Variants in AKAP13 observed in about 807,000 individuals in gnomAD.
The protein encoded by AKAP13 is A-kinase anchor protein 13.
A neutral mutation model predicts 264.5 loss-of-function variants in AKAP13; 80 were observed. The ratio of observed to expected loss-of-function variants is 0.30; its 90% CI spans 0.25 to 0.36. The LOEUF (loss-of-function observed/expected upper bound fraction) is 0.36. AKAP13 is among the 10% of genes least tolerant of loss of function. The pLI, the probability that AKAP13 is intolerant of heterozygous loss-of-function variation, is 1.00. For synonymous variants in AKAP13, 1,380 were observed against 1,250.2 expected, an observed-to-expected ratio of 1.10 and a Z score of -2.19; for missense variants, 3,712 against 3,435.2, an observed-to-expected ratio of 1.08 and a Z score of -2.01.
At chr15:85,659,988 G>T (rs930403796) in intron 12 of AKAP13, among the ~76,000 whole-genome samples, 1 of 152,220 alleles carries the variant, frequency 6.6e-6, no homozygotes, top group Non-Finnish European at 1.5e-5. Flanking sequence ...ATTATGAAAG[G>T]AGTTTTCTGT....
intron 14 of AKAP13, among the ~76,000 whole-genome samples, chr15:85,679,007 G>C (rs2084422677): frequency 6.6e-6 from 1 of 152,122 alleles, no homozygotes; most frequent in Non-Finnish European, 1.5e-5. Flanking sequence ...TTGGGAGACT[G>C]AGGTGGGCGG....
At chr15:85,562,603 A>C (rs1269059729) in intron 5 of AKAP13, among the ~76,000 whole-genome samples, 11 of 138,088 alleles carry the variant, frequency 8.0e-5, no homozygotes, top group South Asian at 2.2e-4. Flanking sequence ...ATATATATAT[A>C]TATCTCTGTC....
chr15:85,725,556 A>G (rs1424095904), intron 26 of AKAP13, among the ~76,000 whole-genome samples: 1 of 152,208 alleles, frequency 6.6e-6, no homozygotes, highest in Non-Finnish European at 1.5e-5. Flanking sequence ...TTTGCAGTGA[A>G]TTCCACAGAA....
Position 85,717,388 on chromosome 15 carries a change from C to T in AKAP13, c.5834C>T (p.Ser1945Leu), listed in dbSNP as rs759221318. 2.5e-6 allele frequency: 4 copies of T among 1,611,032 alleles called. No homozygotes were observed. Among genetic ancestry groups the T allele is most frequent in the Non-Finnish European group, 3.4e-6 (4 of 1,177,858 alleles). ...AGCAAGGTCAATGAGTCAACAGAAT[C>T]ACTTACTGATGAGGGTAAGAGGAAG... is the stretch of plus-strand genomic sequence containing the variant. ...KISKVNESTE[S>L]LTDEGVGTDM... Residue 1945 changes from serine to leucine, a missense_variant, in exon 21 of 37, where the codon TCA (serine) becomes TTA (leucine). Ser to Leu is a moderately radical substitution (Grantham distance 145, BLOSUM62 -2). Transcript: ENST00000394518.
intron 1 of AKAP13, among the ~76,000 whole-genome samples, chr15:85,402,666 A>T (rs1394738684): frequency 6.7e-6 from 1 of 149,620 alleles, no homozygotes; most frequent in Non-Finnish European, 1.5e-5. Flanking sequence ...GCTAGCTGCC[A>T]TTTTTTTTTT....
At chr15:85,700,664 T>C (rs1373340330) in intron 17 of AKAP13, among the ~76,000 whole-genome samples, 1 of 152,250 alleles carries the variant, frequency 6.6e-6, no homozygotes, top group Non-Finnish European at 1.5e-5. Context: ...TTTGTGTATA[T>C]TTAAAACTAC....
intron 5 of AKAP13, among the ~76,000 whole-genome samples, chr15:85,558,656 G>C (rs904623581): frequency 6.6e-6 from 1 of 152,124 alleles, no homozygotes; most frequent in Non-Finnish European, 1.5e-5. Flanking sequence ...CCATTAAGTT[G>C]GAAGCTTGTT....
chr15:85,613,691 A>AAAAAATATATATAT lies in AKAP13; in HGVS notation c.4162-25682_4162-25681insAAAATATATATATA, dbSNP rs1313187436. Among the ~76,000 whole-genome samples the AAAAAATATATATAT allele has an allele frequency of 3.8e-4, 35 of 91,958 alleles. 1 individual carries two copies. Among genetic ancestry groups the AAAAAATATATATAT allele is most frequent in the East Asian group, 2.0e-3 (6 of 3,048 alleles). 60.3% of individuals were successfully genotyped at this position (91,958 alleles called of 152,430 possible). A position where few individuals can be genotyped will look rare whatever the true frequency, so the allele number is the denominator to read the frequency against. On this transcript the variant is annotated intron_variant, in intron 8 of 36. Coordinates refer to ENST00000394518, the MANE Select transcript of AKAP13 (RefSeq NM_007200.5). ...GCCAGACTCCGTCTAAAAAAAAAAA[A>AAAAAATATATATAT]ATATATATATATATATATATATTAG...
chr15:85,580,808 C>A lies in AKAP13; in HGVS notation c.2740C>A (p.Leu914Ile). The change falls in exon 7 of 37, where the codon CTT becomes ATT. Residue 914 changes from leucine (L) to isoleucine (I), a missense_variant. Around this residue, in one of 3 missense-constraint regions of AKAP13, gnomAD observed 2,759 missense variants for 2,411.7 expected, o/e 1.14. Coordinates refer to ENST00000394518, the MANE Select transcript of AKAP13 (RefSeq NM_007200.5). The part of the protein sequence containing the change: ...LDSVLTEEGK[L>I]LVVSESSAAQ... ...TTCAGTTTTGACTGAAGAAGGAAAA[C>A]TTCTGGTGGTTTCAGAAAGCTCTGC... 1 of 1,614,108 alleles carries A rather than the reference C, an allele frequency of 6.2e-7. No individual in the cohort carries two copies. Among genetic ancestry groups the A allele is most frequent in the Non-Finnish European group, 8.5e-7 (1 of 1,180,042 alleles).
intron 7 of AKAP13, 56 bp downstream of exon 7, chr15:85,582,163 C>G: frequency 6.6e-7 from 1 of 1,508,352 alleles, no homozygotes; most frequent in Non-Finnish European, 8.8e-7. Flanking sequence ...CCTTAAGAGT[C>G]ACTGTGGTGT....
Position 85,718,097 on chromosome 15 carries a change from T to C in AKAP13, c.5939T>C (p.Ile1980Thr). The change falls in exon 22 of 37, where the codon ATA (isoleucine) becomes ACA (threonine). Residue 1980 changes from isoleucine to threonine, a missense_variant. Physicochemically the swap from Ile to Thr is moderately conservative, Grantham distance 89. Around this residue, in one of 3 missense-constraint regions of AKAP13, gnomAD observed 2,759 missense variants for 2,411.7 expected, o/e 1.14. Transcript: ENST00000394518. This position sits in a 1 kb window ranked among gnomAD's most constrained non-coding sequence, Gnocchi z 4.9. ...QLEAESWSRI[I>T]DSKFLKQQKK... is the part of the protein sequence containing the mutation. ...GAAGCAGAGTCTTGGAGTCGGATAA[T>C]AGACAGCAAGTTTCTAAAACAGCAA... 6.2e-7 allele frequency: 1 copy of C among 1,614,164 alleles called. No individual in the cohort carries two copies. Among genetic ancestry groups the C allele is most frequent in the South Asian group, 1.1e-5 (1 of 91,088 alleles).
chr15:85,577,098 A>G (rs1238490186), intron 6 of AKAP13, among the ~76,000 whole-genome samples: 1 of 152,238 alleles, frequency 6.6e-6, no homozygotes, highest in African/African-American at 2.4e-5. Flanking sequence ...CTAACACAGA[A>G]GCTTTTAGTG....
At chr15:85,589,422 A>C (rs1596622444) in intron 8 of AKAP13, among the ~76,000 whole-genome samples, 2 of 152,166 alleles carry the variant, frequency 1.3e-5, no homozygotes, top group Non-Finnish European at 2.9e-5. Context: ...TGTGTCGTGA[A>C]ATATTATTGT....
chr15:85,512,382 C>A (rs987268168), intron 2 of AKAP13, among the ~76,000 whole-genome samples: 7 of 152,174 alleles, frequency 4.6e-5, no homozygotes, highest in African/African-American at 1.2e-4. Flanking sequence ...CCAGACTCTT[C>A]CATCTTTCTT....
chr15:85,553,892 T>C (rs1444851524), intron 5 of AKAP13, among the ~76,000 whole-genome samples: 1 of 152,154 alleles, frequency 6.6e-6, no homozygotes, highest in Non-Finnish European at 1.5e-5. Context: ...ATGCTTCTTA[T>C]GAGAATCTAA....
At chr15:85,641,512 G>A (rs2082311039) in intron 9 of AKAP13, among the ~76,000 whole-genome samples, 1 of 147,350 alleles carries the variant, frequency 6.8e-6, no homozygotes, top group Admixed American at 6.8e-5. Context: ...AAATAACGGA[G>A]TCTCGCTCTG....
chr15:85,648,278 G>A (rs1039117841), intron 10 of AKAP13, among the ~76,000 whole-genome samples: 3 of 142,908 alleles, frequency 2.1e-5, no homozygotes, highest in African/African-American at 7.3e-5. Context: ...AAATTTTAAC[G>A]TAAAAAGTTT....
At chr15:85,383,108 G>T (rs1477951593) in intron 1 of AKAP13, among the ~76,000 whole-genome samples, 2 of 151,586 alleles carry the variant, frequency 1.3e-5, no homozygotes, top group African/African-American at 2.4e-5. Context: ...TTGCCCAGTT[G>T]TCTCTAACTC....
At chr15:85,563,546 A>C (rs1382769759) in intron 5 of AKAP13, among the ~76,000 whole-genome samples, 1 of 151,602 alleles carries the variant, frequency 6.6e-6, no homozygotes, top group Non-Finnish European at 1.5e-5. Flanking sequence ...TCTCTTAAAG[A>C]CCTCTTTGCT....
Sources: gnomAD v4.1 joint callset for allele counts (sites outside exome capture counted in the v4.1 genomes callset) on GRCh38, gnomAD v4.1.1 for gene constraint, gnomAD v4.1.1 regional missense constraint, Gnocchi (gnomAD v3.1) non-coding constraint, MANE v1.5 for transcripts, NCBI Gene and HGNC (gene_info 2026-07-23, HGNC 2026-07-21) for gene names.